Variants in CHRM3 observed in about 807,000 individuals in gnomAD.
CHRM3 encodes muscarinic acetylcholine receptor M3.
A neutral mutation model predicts 41.8 loss-of-function variants in CHRM3; 11 were observed. The ratio of observed to expected loss-of-function variants is 0.26; its 90% CI spans 0.17 to 0.44. The LOEUF (loss-of-function observed/expected upper bound fraction) is 0.44, where lower values mean the gene tolerates loss of function less well. Among genes scored for constraint, CHRM3 ranks in the 20% least tolerant of loss-of-function variants. The pLI is 1.00. For missense variants in CHRM3, 571 were observed against 745.4 expected (o/e 0.77, Z 2.72); for synonymous variants, 297 against 301.4 (o/e 0.99, Z 0.15).
intron 3 of CHRM3, among the ~76,000 whole-genome samples, chr1:239,613,115 C>T (rs1477228965): frequency 6.6e-6 from 1 of 152,130 alleles, no homozygotes; most frequent in African/African-American, 2.4e-5. Context: ...TTGGGATGCC[C>T]CTCATCATTT....
chr1:239,907,204 A>G lies in CHRM3; in HGVS notation c.-19-229A>G, dbSNP rs1558229486. On this transcript the variant is annotated intron_variant, in intron 6 of 6. Transcript: ENST00000676153. This position sits in a 1 kb window ranked among gnomAD's most constrained non-coding sequence, Gnocchi z 5.4. Reference sequence around the variant, plus strand: ...AATGAGAAAAATGTGGGAAAAAAGCACAATGTTCAGTGCATGCCACCAATT... The same window carrying G: ...AATGAGAAAAATGTGGGAAAAAAGCGCAATGTTCAGTGCATGCCACCAATT... Among the ~76,000 whole-genome samples, 1 of 152,242 alleles carries G rather than the reference A, an allele frequency of 6.6e-6. No individual in the cohort carries two copies. Among genetic ancestry groups the G allele is most frequent in the Non-Finnish European group, 1.5e-5 (1 of 68,030 alleles).
At chr1:239,620,039 T>C (rs1472406510) in intron 3 of CHRM3, among the ~76,000 whole-genome samples, 3 of 152,338 alleles carry the variant, frequency 2.0e-5, no homozygotes, top group African/African-American at 2.4e-5. Flanking sequence ...TCTTTTGTTA[T>C]AGATATTTTT....
At chr1:239,808,114 A>G (rs1476595231) in intron 5 of CHRM3, among the ~76,000 whole-genome samples, 1 of 152,066 alleles carries the variant, frequency 6.6e-6, no homozygotes, top group East Asian at 1.9e-4. Flanking sequence ...TTGACCCCAT[A>G]TCTGACTAGC....
chr1:239,623,387 T>A (rs1668631181), intron 3 of CHRM3, among the ~76,000 whole-genome samples: 1 of 151,688 alleles, frequency 6.6e-6, no homozygotes, highest in Non-Finnish European at 1.5e-5. Context: ...CTTGCGATAG[T>A]TTGCTGAGAA....
At chr1:239,827,604 G>T (rs1264818852) in intron 6 of CHRM3, among the ~76,000 whole-genome samples, 1 of 152,054 alleles carries the variant, frequency 6.6e-6, no homozygotes, top group Non-Finnish European at 1.5e-5. Flanking sequence ...GTGGGTAAAA[G>T]GTTTAGACTA....
chr1:239,863,292 G>C (rs1675791716), intron 6 of CHRM3, among the ~76,000 whole-genome samples: 1 of 152,170 alleles, frequency 6.6e-6, no homozygotes, highest in African/African-American at 2.4e-5. Context: ...TTTTTATTCT[G>C]GTAATGGCAG....
chr1:239,802,942 G>A (rs976021359), intron 5 of CHRM3, among the ~76,000 whole-genome samples: 2 of 152,182 alleles, frequency 1.3e-5, no homozygotes, highest in Admixed American at 1.3e-4. Flanking sequence ...TGACTTTGAG[G>A]TGCAAGGAAG....
chr1:239,843,447 C>CTTTTTTT (rs34901177), intron 6 of CHRM3, among the ~76,000 whole-genome samples: 4 of 81,222 alleles, frequency 4.9e-5, no homozygotes, highest in East Asian at 3.8e-4. Context: ...ACTCGCTTTC[C>CTTTTTTT]TTTTTTTTTT....
intron 1 of CHRM3, among the ~76,000 whole-genome samples, chr1:239,393,110 T>C (rs115954856): frequency 0.011 from 1,710 of 152,226 alleles, 12 homozygotes; most frequent in Non-Finnish European, 0.016. Flanking sequence ...TAATGTACTA[T>C]GATTGCACCT....
At chr1:239,400,446 G>A (rs892807991) in intron 1 of CHRM3, among the ~76,000 whole-genome samples, 9 of 152,156 alleles carry the variant, frequency 5.9e-5, no homozygotes, top group East Asian at 3.9e-4. Context: ...ATGCAGAAAC[G>A]TTTTCTCTTG....
intron 3 of CHRM3, among the ~76,000 whole-genome samples, chr1:239,560,944 G>A (rs746709062): frequency 6.6e-5 from 10 of 151,824 alleles, no homozygotes; most frequent in Non-Finnish European, 1.5e-5. Flanking sequence ...TCCTTCCCCA[G>A]ATCTAGGCAA....
intron 6 of CHRM3, among the ~76,000 whole-genome samples, chr1:239,858,853 A>G (rs1435422144): frequency 2.0e-5 from 3 of 152,206 alleles, no homozygotes; most frequent in African/African-American, 7.2e-5. Flanking sequence ...ATAGAATTGT[A>G]TAGTATGTGA....
At chr1:239,666,913 A>G (rs1673863025) in intron 4 of CHRM3, among the ~76,000 whole-genome samples, 6 of 152,128 alleles carry the variant, frequency 3.9e-5, no homozygotes, top group Admixed American at 2.0e-4. Flanking sequence ...CAGGGAGAAC[A>G]TGCAGTATTT....
At chr1:239,643,392 A>C (rs1361749269) in intron 4 of CHRM3, among the ~76,000 whole-genome samples, 3 of 152,208 alleles carry the variant, frequency 2.0e-5, no homozygotes, top group Non-Finnish European at 2.9e-5. Context: ...AGAGGCAGGC[A>C]GGCCTCCTTG....
In CHRM3 at chr1:239,911,993, A is replaced by G. The variant is rs1263834210; in HGVS notation, c.*2769A>G. 7 of 167,124 alleles carry G rather than the reference A, an allele frequency of 4.2e-5. No homozygotes were observed. Among genetic ancestry groups the G allele is most frequent in the African/African-American group, 1.7e-4 (7 of 41,462 alleles). 10.4% of individuals were successfully genotyped at this position (167,124 alleles called of 1,614,324 possible). ...GATATTCAGCACTTACCTAAGATCA[A>G]AATGTCTTCATCCCAAATTGGGAAT... On this transcript the variant is annotated 3_prime_UTR_variant, in exon 7 of 7. Coordinates refer to ENST00000676153, the MANE Select transcript of CHRM3 (RefSeq NM_001375978.1).
rs1424184253 is a variant in CHRM3, at chr1:239,907,676, G to T, written c.225G>T (p.Thr75=). Residue 75 remains threonine, a synonymous_variant, in exon 7 of 7, where the codon ACG becomes ACT. Transcript: ENST00000676153. This position sits in a 1 kb window ranked among gnomAD's most constrained non-coding sequence, Gnocchi z 5.4. ...VWQVVFIAFL[T]GILALVTIIG... ...AAGTGGTCTTCATCGCTTTCTTAAC[G>T]GGCATCCTGGCCTTGGTGACCATCA... 1 of 1,614,094 alleles carries T rather than the reference G, an allele frequency of 6.2e-7. No individual in the cohort carries two copies. The highest frequency in any genetic ancestry group is 1.6e-4 in the Middle Eastern group (1 of 6,062).
chr1:239,471,951 A>AT (rs891759587), intron 1 of CHRM3, among the ~76,000 whole-genome samples: 12 of 149,480 alleles, frequency 8.0e-5, no homozygotes, highest in Admixed American at 2.0e-4. Context: ...GGACTCGCCA[A>AT]TTTTTTTTTT....
chr1:239,815,666 T>G (rs376414356), intron 5 of CHRM3, among the ~76,000 whole-genome samples: 17 of 152,344 alleles, frequency 1.1e-4, no homozygotes, highest in African/African-American at 3.8e-4. Context: ...GTAGGTCTAA[T>G]TCAGCCTACT....
At chr1:239,563,481 C>G (rs952863573) in intron 3 of CHRM3, among the ~76,000 whole-genome samples, 10 of 152,180 alleles carry the variant, frequency 6.6e-5, no homozygotes, top group African/African-American at 2.2e-4. Context: ...TACCTTTCTA[C>G]TGGTTCTCCA....
Sources: gnomAD v4.1 joint callset for allele counts (sites outside exome capture counted in the v4.1 genomes callset) on GRCh38, gnomAD v4.1.1 for gene constraint, Gnocchi (gnomAD v3.1) non-coding constraint, MANE v1.5 for transcripts, NCBI Gene and HGNC (gene_info 2026-07-23, HGNC 2026-07-21) for gene names.